The following PDZD2 variants were observed in gnomAD, a reference collection of about 807,000 sequenced individuals.
The protein encoded by PDZD2 is PDZ domain-containing protein 2.
Under a neutral mutation model 220.7 loss-of-function variants are expected in PDZD2, and 90 were observed. The ratio of observed to expected loss-of-function variants is 0.41; its 90% CI spans 0.34 to 0.49. The LOEUF is 0.49. PDZD2 is among the 20% of genes least tolerant of loss of function. PDZD2 has a pLI of 0.28. For synonymous variants in PDZD2, 1,375 were observed against 1,450.5 expected (o/e 0.95, Z 1.18); for missense variants, 3,174 against 3,608.5 (o/e 0.88, Z 3.08).
At chr5:32,053,472 T>C (rs1738781066) in intron 9 of PDZD2, among the ~76,000 whole-genome samples, 1 of 152,242 alleles carries the variant, frequency 6.6e-6, no homozygotes, top group Admixed American at 6.5e-5. Flanking sequence ...TTGCCATTTG[T>C]GGAGGTCAAA....
chr5:31,847,387 G>A lies in PDZD2; in HGVS notation c.476+47663G>A. The A allele has an allele frequency of 6.6e-6, 3 of 454,624 alleles. No individual in the cohort carries two copies. In the South Asian group the frequency reaches 6.9e-5, roughly 10 times the overall value. The allele number at this position is 454,624 out of a possible 1,614,324, so 28.2% of individuals were successfully genotyped here. ...ATGCTAAGAAACGCTTGGTGATAGA[G>A]GATAAAAATAAGTACAACACACCCA... On this transcript the variant is annotated intron_variant, in intron 2 of 24. Transcript: ENST00000438447.
intron 1 of PDZD2, among the ~76,000 whole-genome samples, chr5:31,762,351 G>A (rs568784057): frequency 3.0e-4 from 46 of 152,314 alleles, no homozygotes; most frequent in African/African-American, 1.1e-3. Flanking sequence ...GCAATGGCAC[G>A]ATTTCAGCTC....
At chr5:31,669,037 C>A (rs191650069) in intron 1 of PDZD2, among the ~76,000 whole-genome samples, 36 of 152,232 alleles carry the variant, frequency 2.4e-4, no homozygotes, top group Admixed American at 3.9e-4. Flanking sequence ...CCAGGGGACA[C>A]TGGCAATGTC....
rs1328640940 is a variant in PDZD2, at chr5:32,036,944, C to A, written c.1408-287C>A. ...GGTGTAGGATGGAAGACGAAGTGGCCCTGGGGGCCCTGGTTCCATGCTGCG... is the reference window on the plus strand; with the variant it reads ...GGTGTAGGATGGAAGACGAAGTGGCACTGGGGGCCCTGGTTCCATGCTGCG... On this transcript the variant is annotated intron_variant, in intron 6 of 24. Coordinates refer to ENST00000438447, the MANE Select transcript of PDZD2 (RefSeq NM_178140.4). Among the ~76,000 whole-genome samples, 2 of 152,286 alleles carry A rather than the reference C, an allele frequency of 1.3e-5. 1 individual carries two copies. Among genetic ancestry groups the A allele is most frequent in the South Asian group, 4.1e-4 (2 of 4,824 alleles).
intron 1 of PDZD2, among the ~76,000 whole-genome samples, chr5:31,792,093 GT>G (rs1358101873): frequency 6.6e-6 from 1 of 152,160 alleles, no homozygotes; most frequent in Non-Finnish European, 1.5e-5. Flanking sequence ...CTGCATTTTA[GT>G]TTAATTCATT....
intron 6 of PDZD2, among the ~76,000 whole-genome samples, chr5:32,021,383 G>A (rs542045659): frequency 6.3e-4 from 96 of 152,126 alleles, no homozygotes; most frequent in South Asian, 1.9e-3. Flanking sequence ...TCTTGTCTCA[G>A]CCTCCTGATT....
chr5:31,707,355 G>T (rs1471530860), intron 1 of PDZD2, among the ~76,000 whole-genome samples: 1 of 151,738 alleles, frequency 6.6e-6, no homozygotes, highest in African/African-American at 2.4e-5. Context: ...AAAAGGACTG[G>T]TGTCCTTAGA....
chr5:32,037,257 T>A lies in PDZD2; in HGVS notation c.1434T>A (p.Asp478Glu). 1 of 1,613,376 alleles carries A rather than the reference T, an allele frequency of 6.2e-7. No individual in the cohort carries two copies. Among genetic ancestry groups the A allele is most frequent in the Non-Finnish European group, 8.5e-7 (1 of 1,179,346 alleles). Residue 478 changes from aspartate (D) to glutamate (E), a missense_variant, in exon 7 of 25, where the codon GAT becomes GAA. Coordinates refer to ENST00000438447, the MANE Select transcript of PDZD2 (RefSeq NM_178140.4). Reference protein sequence around the residue: ...RAMPGTDEPQDVCGAEESKGN... With the variant: ...RAMPGTDEPQEVCGAEESKGN... ...TGCCTGGGACAGATGAACCCCAAGA[T>A]GTGTGCGGTGCTGAGGAATCCAAGG...
chr5:32,090,566 C>CTTCCGGCAGCATTGT lies in PDZD2; in HGVS notation c.7125_7139dup (p.Ile2377_Ser2381dup). ...TCCAAGCCTCCCATTGGGAGGCGGT[C>CTTCCGGCAGCATTGT]TTCCGGCAGCATTGTTTCCGGGAGC... is the stretch of plus-strand genomic sequence containing the variant. On this transcript the variant is annotated inframe_insertion, in exon 20 of 25. Coordinates refer to ENST00000438447, the MANE Select transcript of PDZD2 (RefSeq NM_178140.4). The surrounding 1 kb of genome is among the most constrained non-coding windows in gnomAD (Gnocchi z 4.3). The CTTCCGGCAGCATTGT allele has an allele frequency of 6.2e-7, 1 of 1,613,974 alleles. No individual in the cohort carries two copies. Among genetic ancestry groups the CTTCCGGCAGCATTGT allele is most frequent in the Non-Finnish European group, 8.5e-7 (1 of 1,179,982 alleles).
chr5:31,982,630 A>G (rs1171575467), intron 2 of PDZD2, among the ~76,000 whole-genome samples: 1 of 152,148 alleles, frequency 6.6e-6, no homozygotes, highest in African/African-American at 2.4e-5. Flanking sequence ...AATACCAGTC[A>G]TTACCTGTTA....
chr5:32,032,124 CTT>C (rs1396977783), intron 6 of PDZD2, among the ~76,000 whole-genome samples: 1 of 152,194 alleles, frequency 6.6e-6, no homozygotes, highest in Non-Finnish European at 1.5e-5. Context: ...CATTTCTTCT[CTT>C]CTTCATTTCT....
intron 1 of PDZD2, among the ~76,000 whole-genome samples, chr5:31,713,728 A>G (rs1354377032): frequency 6.6e-6 from 1 of 152,074 alleles, no homozygotes; most frequent in Non-Finnish European, 1.5e-5. Flanking sequence ...TGTATTTTTA[A>G]TAGAGACAGG....
At chr5:32,044,324 C>T (rs1237406542) in intron 7 of PDZD2, among the ~76,000 whole-genome samples, 2 of 151,934 alleles carry the variant, frequency 1.3e-5, no homozygotes, top group Non-Finnish European at 2.9e-5. Flanking sequence ...AGCAGAACTC[C>T]GTCTTAAAAA....
intron 19 of PDZD2, 90 bp downstream of exon 19, chr5:32,077,696 C>G: frequency 7.5e-7 from 1 of 1,337,100 alleles, no homozygotes; most frequent in Non-Finnish European, 1.0e-6. Context: ...GTGGCTTACA[C>G]CTGTAATCCC....
rs189947225 is a variant in PDZD2 at position 31,686,685 on chromosome 5, C to T, written c.-361+47248C>T. Among the ~76,000 whole-genome samples, 33 of 152,212 alleles carry T rather than the reference C, an allele frequency of 2.2e-4. 1 individual carries two copies. The East Asian group carries it at 5.8e-3, about 27-fold the overall frequency. ...CCTGGCCAATATATATATTTCTTAC[C>T]GAATATCCATATATCAAAGTTTTGA... On this transcript the variant is annotated intron_variant, in intron 1 of 24. Transcript: ENST00000438447.
At chr5:31,887,948 G>A (rs1017218859) in intron 2 of PDZD2, among the ~76,000 whole-genome samples, 9 of 152,116 alleles carry the variant, frequency 5.9e-5, no homozygotes, top group Non-Finnish European at 8.8e-5. Flanking sequence ...GGGAGTGGGA[G>A]TTGTTCAGCA....
chr5:31,731,193 A>T (rs1749518225), intron 1 of PDZD2, among the ~76,000 whole-genome samples: 2 of 152,112 alleles, frequency 1.3e-5, no homozygotes, highest in Non-Finnish European at 2.9e-5. Flanking sequence ...TTTGTTTTAC[A>T]TTTCCAAATC....
chr5:32,044,494 A>G (rs1299627181), intron 7 of PDZD2, among the ~76,000 whole-genome samples: 2 of 152,110 alleles, frequency 1.3e-5, no homozygotes, highest in East Asian at 1.9e-4. Context: ...TGCTGGGGGA[A>G]TTTGGTAGAC....
chr5:31,935,083 G>A (rs1561124751), intron 2 of PDZD2, among the ~76,000 whole-genome samples: 1 of 52,554 alleles, frequency 1.9e-5, no homozygotes, highest in Non-Finnish European at 4.0e-5. Context: ...GCCAGACCCT[G>A]TCTCAAAAAA....
Sources: gnomAD v4.1 joint callset for allele counts (sites outside exome capture counted in the v4.1 genomes callset) on GRCh38, gnomAD v4.1.1 for gene constraint, Gnocchi (gnomAD v3.1) non-coding constraint, MANE v1.5 for transcripts, NCBI Gene and HGNC (gene_info 2026-07-23, HGNC 2026-07-21) for gene names.